The following FLT3 variants were observed in gnomAD, a reference collection of about 807,000 sequenced individuals.
FLT3 encodes the protein fms related receptor tyrosine kinase 3, also known as receptor-type tyrosine-protein kinase FLT3.
Under a neutral mutation model 126.6 loss-of-function variants are expected in FLT3, and 46 were observed. That is an observed-to-expected ratio of 0.36 (90% confidence interval 0.29 to 0.46). The LOEUF (loss-of-function observed/expected upper bound fraction) is 0.46. FLT3 is among the 20% of genes least tolerant of loss of function. The probability of loss-of-function intolerance (pLI) is 1.00; values close to 1 mark genes in which losing one functional copy is unlikely to be tolerated. For missense variants in FLT3, 1,069 were observed against 1,190.3 expected, an observed-to-expected ratio of 0.90 and a Z score of 1.50; for synonymous variants, 404 against 434.4, an observed-to-expected ratio of 0.93 and a Z score of 0.87.
At chr13:28,049,893 T>C (rs1221351383) in intron 6 of FLT3, 119 bp from the exon 7 acceptor site, 7 of 1,185,124 alleles carry the variant, frequency 5.9e-6, no homozygotes, top group East Asian at 2.4e-5. Context: ...CTAACCACAT[T>C]AATAAAAGAA....
chr13:28,043,456 C>T (rs936642594), intron 9 of FLT3, among the ~76,000 whole-genome samples: 16 of 152,150 alleles, frequency 1.1e-4, no homozygotes, highest in African/African-American at 3.9e-4. Flanking sequence ...GGTGCACATA[C>T]CATGACCACA....
At chr13:28,076,546 T>C (rs1017712134) in intron 1 of FLT3, among the ~76,000 whole-genome samples, 2 of 152,204 alleles carry the variant, frequency 1.3e-5, no homozygotes, top group African/African-American at 2.4e-5. Context: ...AGAAGGCTGC[T>C]GGTGCAAGTG....
chr13:28,064,378 G>T (rs536072746), intron 2 of FLT3, among the ~76,000 whole-genome samples: 176 of 152,176 alleles, frequency 1.2e-3, no homozygotes, highest in African/African-American at 4.0e-3. Context: ...TTCGAGACCA[G>T]CCTGGCCAAG....
At position 28,072,386 on chromosome 13, in the gene FLT3, T is replaced by G. The variant is rs1008257772; in HGVS notation, c.44-1774A>C. ...GAGAACATTTAAGATCTACTCTCTC[T>G]CGCTCTCTCTCTCTCTTTTTTTTAA... is the stretch of plus-strand genomic sequence containing the variant. On this transcript the variant is annotated intron_variant, in intron 1 of 23. Coordinates refer to ENST00000241453, the MANE Select transcript of FLT3 (RefSeq NM_004119.3). Among the ~76,000 whole-genome samples, 13 of 152,164 alleles carry G rather than the reference T, an allele frequency of 8.5e-5. No homozygotes were observed. The East Asian group carries it at 1.9e-3, about 23-fold the overall frequency.
At chr13:28,061,318 T>A (rs1237245579) in intron 3 of FLT3, among the ~76,000 whole-genome samples, 1 of 151,106 alleles carries the variant, frequency 6.6e-6, no homozygotes, top group Admixed American at 6.6e-5. Context: ...ACCAGGCCAC[T>A]GCACTCCAGC....
chr13:28,011,090 T>C (rs1189971729), intron 23 of FLT3, among the ~76,000 whole-genome samples: 1 of 151,436 alleles, frequency 6.6e-6, no homozygotes, highest in East Asian at 2.0e-4. Flanking sequence ...GGTGGGCGGA[T>C]CATGAGGTCA....
chr13:28,010,248 A>ACTGGTC (rs1871245011), intron 23 of FLT3, among the ~76,000 whole-genome samples: 1 of 152,180 alleles, frequency 6.6e-6, no homozygotes, highest in Non-Finnish European at 1.5e-5. Flanking sequence ...CATTTACTTA[A>ACTGGTC]TATCACATGG....
intron 10 of FLT3, 141 bp from the exon 11 acceptor site, chr13:28,036,184 C>T (rs1442772246): frequency 3.0e-6 from 2 of 669,230 alleles, no homozygotes; most frequent in Non-Finnish European, 5.3e-6. Context: ...ACAGCAAGAC[C>T]CTGTCTCTGA....
chr13:28,091,137 C>G (rs1044138630), intron 1 of FLT3, among the ~76,000 whole-genome samples: 1 of 149,826 alleles, frequency 6.7e-6, no homozygotes, highest in African/African-American at 2.5e-5. Context: ...TTCCAAGTCC[C>G]TCTTCTGAAA....
rs35053802 is a variant in FLT3, at chr13:28,040,837, A to ATT, written c.1206-3551_1206-3550dup. ...CATGGCAAGACCTTGTCTCTACAGA[A>ATT]TTTTTTTTTTTAATTAGCTGGGTGC... On this transcript the variant is annotated intron_variant, in intron 9 of 23. Transcript: ENST00000241453. Among the ~76,000 whole-genome samples the ATT allele has an allele frequency of 1.3e-4, 20 of 148,524 alleles. 1 individual carries two copies. The highest frequency in any genetic ancestry group is 4.3e-4 in the South Asian group (2 of 4,664).
intron 22 of FLT3, 45 bp from the exon 23 acceptor site, chr13:28,014,602 G>T: frequency 7.8e-7 from 1 of 1,280,966 alleles, no homozygotes; most frequent in Non-Finnish European, 1.1e-6. Flanking sequence ...AAGTCTGAAT[G>T]AAGCAAAATG....
At chr13:28,034,868 C>A (rs1441620304) in intron 12 of FLT3, among the ~76,000 whole-genome samples, 5 of 151,780 alleles carry the variant, frequency 3.3e-5, no homozygotes, top group Non-Finnish European at 5.9e-5. Context: ...GCAGGAGAAT[C>A]GCTTGAACCC....
At chr13:28,073,515 C>T (rs552869342) in intron 1 of FLT3, 161 of 204,846 alleles carry the variant, frequency 7.9e-4, no homozygotes, top group African/African-American at 3.8e-3. Flanking sequence ...TCTCTCTAGT[C>T]TTTAAAAAAA....
At chr13:28,097,059 T>G (rs1342707452) in intron 1 of FLT3, among the ~76,000 whole-genome samples, 1 of 151,822 alleles carries the variant, frequency 6.6e-6, no homozygotes, top group Non-Finnish European at 1.5e-5. Flanking sequence ...AAAAAATTTT[T>G]CAAAAAATTA....
chr13:28,056,447 GGA>G (rs1876007108), intron 4 of FLT3, among the ~76,000 whole-genome samples: 1 of 152,168 alleles, frequency 6.6e-6, no homozygotes. Context: ...CAGGGTTTTT[GGA>G]GCACTGCACT....
chr13:28,033,983 G>T lies in FLT3; in HGVS notation c.1846C>A (p.Leu616Ile), dbSNP rs1051926385. The T allele has an allele frequency of 1.2e-6, 2 of 1,613,926 alleles. No individual in the cohort carries two copies. Among genetic ancestry groups the T allele is most frequent in the African/African-American group, 2.7e-5 (2 of 74,912 alleles). ...PRENLEFGKV[L>I]GSGAFGKVMN... ...ACTTTTCCAAAAGCACCTGATCCTA[G>T]TACCTTCCCTGCAAAGACAAATGGT... Residue 616 changes from leucine to isoleucine, a missense_variant, in exon 15 of 24, where the codon CTA becomes ATA. Physicochemically the swap from Leu to Ile is conservative, Grantham distance 5 (BLOSUM62 2). Coordinates refer to ENST00000241453, the MANE Select transcript of FLT3 (RefSeq NM_004119.3).
intron 4 of FLT3, among the ~76,000 whole-genome samples, chr13:28,053,870 T>A (rs73439160): frequency 0.053 from 8,043 of 152,080 alleles, 705 homozygotes; most frequent in African/African-American, 0.18. Context: ...TGTGTGTGTG[T>A]GAGACAGGGT....
chr13:28,059,552 A>C (rs768361345), intron 3 of FLT3, among the ~76,000 whole-genome samples: 2 of 152,230 alleles, frequency 1.3e-5, no homozygotes, highest in African/African-American at 2.4e-5. Flanking sequence ...TAATCTGTAG[A>C]TAGCACATAA....
At position 28,024,920 on chromosome 13, in the gene FLT3, T is replaced by G; in HGVS notation, c.2231A>C (p.Gln744Pro). 1 of 1,611,344 alleles carries G rather than the reference T, an allele frequency of 6.2e-7. No homozygotes were observed. The highest frequency in any genetic ancestry group is 8.5e-7 in the Non-Finnish European group (1 of 1,178,640). The change falls in exon 18 of 24, where the codon CAG becomes CCG. Residue 744 changes from glutamine to proline, a missense_variant. By Grantham distance (76) the Gln-to-Pro change is moderately conservative. Coordinates refer to ENST00000241453, the MANE Select transcript of FLT3 (RefSeq NM_004119.3). ...GATTTGATCCGAGTCCGGGTGTATC[T>G]GAACTTCTCTTGAACCAGGCATGCT... Reference protein sequence around the residue: ...NSSMPGSREVQIHPDSDQISG... With the variant: ...NSSMPGSREVPIHPDSDQISG...
Sources: gnomAD v4.1 joint callset for allele counts (sites outside exome capture counted in the v4.1 genomes callset) on GRCh38, gnomAD v4.1.1 for gene constraint, MANE v1.5 for transcripts, NCBI Gene and HGNC (gene_info 2026-07-23, HGNC 2026-07-21) for gene names.